The following EPM2A variants were observed in gnomAD, a reference collection of about 807,000 sequenced individuals.
EPM2A encodes laforin.
A neutral mutation model predicts 26.5 loss-of-function variants in EPM2A; 21 were observed. The ratio of observed to expected loss-of-function variants is 0.79; its 90% confidence interval spans 0.56 to 1.14. EPM2A has a LOEUF of 1.14. EPM2A is among the 50% of genes most tolerant of loss of function. The probability of loss-of-function intolerance (pLI) is 0.00; values close to 1 mark genes in which losing one functional copy is unlikely to be tolerated. For missense variants in EPM2A, 458 were observed against 440.8 expected (o/e 1.04, Z -0.35); for synonymous variants, 217 against 177.6 (o/e 1.22, Z -1.76).
At chr6:145,422,261 T>C (rs970159108) in intron 4 of EPM2A, among the ~76,000 whole-genome samples, 4 of 147,126 alleles carry the variant, frequency 2.7e-5, no homozygotes, top group African/African-American at 9.8e-5. Context: ...AATATAACTA[T>C]ATATAATTAT....
chr6:145,712,639 CA>C, intron 1 of EPM2A, among the ~76,000 whole-genome samples: 1 of 151,384 alleles, frequency 6.6e-6, no homozygotes, highest in East Asian at 1.9e-4. Flanking sequence ...TTCTGGAAAG[CA>C]AAAAAAATGA....
chr6:145,391,273 T>C (rs1778333408), intron 4 of EPM2A, among the ~76,000 whole-genome samples: 1 of 152,174 alleles, frequency 6.6e-6, no homozygotes, highest in Non-Finnish European at 1.5e-5. Context: ...ACCATCAGCC[T>C]GACACTGCCC....
intron 2 of EPM2A, among the ~76,000 whole-genome samples, chr6:145,678,548 T>C (rs987056463): frequency 3.3e-5 from 5 of 151,848 alleles, no homozygotes; most frequent in Non-Finnish European, 7.4e-5. Context: ...TAAACAAATA[T>C]ACAAGAAAAA....
At chr6:145,401,206 A>G (rs1481212152) in intron 4 of EPM2A, among the ~76,000 whole-genome samples, 1 of 152,174 alleles carries the variant, frequency 6.6e-6, no homozygotes, top group Non-Finnish European at 1.5e-5. Flanking sequence ...ATGACAAAAA[A>G]AATTAATGTA....
chr6:145,729,554 GT>G (rs1258132178), intron 1 of EPM2A, among the ~76,000 whole-genome samples: 2 of 152,198 alleles, frequency 1.3e-5, no homozygotes, highest in Admixed American at 1.3e-4. Flanking sequence ...TTGGACTTGT[GT>G]GGGGCCTATA....
intron 2 of EPM2A, among the ~76,000 whole-genome samples, chr6:145,594,415 G>A (rs1323589315): frequency 6.6e-6 from 1 of 151,690 alleles, no homozygotes; most frequent in African/African-American, 2.4e-5. Context: ...ACGTCTTCCA[G>A]AAGATACAAG....
intron 4 of EPM2A, among the ~76,000 whole-genome samples, chr6:145,462,676 CTG>C: frequency 6.6e-6 from 1 of 152,252 alleles, no homozygotes; most frequent in East Asian, 1.9e-4. Context: ...CCCAGTAAGT[CTG>C]TGTGTCCAAA....
intron 2 of EPM2A, among the ~76,000 whole-genome samples, chr6:145,518,365 C>T (rs971905911): frequency 6.6e-6 from 1 of 152,068 alleles, no homozygotes; most frequent in Non-Finnish European, 1.5e-5. Flanking sequence ...GCACTCATCT[C>T]ATCCTTTAAT....
chr6:145,511,070 A>G (rs572328333), intron 2 of EPM2A, among the ~76,000 whole-genome samples: 55 of 152,276 alleles, frequency 3.6e-4, no homozygotes, highest in Admixed American at 8.5e-4. Context: ...GAACACACCA[A>G]TAACGAGTAA....
chr6:145,716,648 T>C (rs758171234), intron 1 of EPM2A, among the ~76,000 whole-genome samples: 1 of 152,036 alleles, frequency 6.6e-6, no homozygotes, highest in African/African-American at 2.4e-5. Context: ...TGTGGCAGTC[T>C]TCTCACTCAG....
chr6:145,552,283 T>G (rs1231785306), intron 2 of EPM2A, among the ~76,000 whole-genome samples: 1 of 151,954 alleles, frequency 6.6e-6, no homozygotes, highest in Admixed American at 6.6e-5. Context: ...TGAAAATAAA[T>G]TATATTTTAG....
chr6:145,440,936 G>A (rs1434848476), intron 4 of EPM2A, among the ~76,000 whole-genome samples: 1 of 152,110 alleles, frequency 6.6e-6, no homozygotes, highest in African/African-American at 2.4e-5. Flanking sequence ...ACCATTCTGG[G>A]GCCTGGAGGA....
intron 4 of EPM2A, among the ~76,000 whole-genome samples, chr6:145,423,606 AGAAG>A (rs1255290351): frequency 6.6e-6 from 1 of 152,228 alleles, no homozygotes; most frequent in Non-Finnish European, 1.5e-5. Context: ...CAGGGAGTAA[AGAAG>A]GATAAGCTGA....
chr6:145,393,781 C>G (rs1778368550), intron 4 of EPM2A, among the ~76,000 whole-genome samples: 1 of 151,884 alleles, frequency 6.6e-6, no homozygotes, highest in African/African-American at 2.4e-5. Context: ...TGTAACCAAA[C>G]CATAAAAATG....
intron 4 of EPM2A, among the ~76,000 whole-genome samples, chr6:145,388,645 C>T (rs1203032885): frequency 2.0e-5 from 3 of 152,232 alleles, no homozygotes; most frequent in East Asian, 1.9e-4. Context: ...GGTATTTCTC[C>T]TAATGCTGTC....
intron 2 of EPM2A, among the ~76,000 whole-genome samples, chr6:145,508,343 A>G (rs1780007225): frequency 6.6e-6 from 1 of 152,202 alleles, no homozygotes; most frequent in African/African-American, 2.4e-5. Context: ...ACACATGCAA[A>G]GAGCCTCTTG....
chr6:145,438,401 A>G (rs1005514356), intron 4 of EPM2A, among the ~76,000 whole-genome samples: 9 of 152,010 alleles, frequency 5.9e-5, no homozygotes, highest in African/African-American at 2.2e-4. Flanking sequence ...CTGCACACAA[A>G]GGTAGGTCTT....
At chr6:145,430,553 A>G (rs1312615589) in intron 4 of EPM2A, among the ~76,000 whole-genome samples, 3 of 151,980 alleles carry the variant, frequency 2.0e-5, no homozygotes, top group Non-Finnish European at 2.9e-5. Context: ...GTGAGCCGAG[A>G]TGGCACCACT....
intron 2 of EPM2A, among the ~76,000 whole-genome samples, chr6:145,580,270 A>T (rs1223734614): frequency 6.6e-6 from 1 of 152,136 alleles, no homozygotes; most frequent in East Asian, 1.9e-4. Flanking sequence ...TCTTTTACAC[A>T]AAACAAGCAT....
Sources: allele counts gnomAD v4.1 joint callset (sites outside exome capture counted in the v4.1 genomes callset), GRCh38; gene constraint gnomAD v4.1.1; transcripts MANE v1.5; gene names NCBI Gene and HGNC (gene_info 2026-07-23, HGNC 2026-07-21).